Variants in PKNOX2 observed in about 807,000 individuals in gnomAD.
PKNOX2 encodes the protein PBX/knotted 1 homeobox 2.
In PKNOX2, 14 loss-of-function variants were observed where a neutral mutation model predicts 53.1. The observed-to-expected ratio is 0.26, with a 90% CI of 0.17 to 0.41. The LOEUF (loss-of-function observed/expected upper bound fraction) is 0.41. PKNOX2 is among the 10% of genes least tolerant of loss of function. The pLI is 1.00. For synonymous variants in PKNOX2, 257 were observed against 242.8 expected, an observed-to-expected ratio of 1.06 and a Z score of -0.54; for missense variants, 496 against 602.8, an observed-to-expected ratio of 0.82 and a Z score of 1.85.
At chr11:125,397,049 T>C (rs1217178680) in intron 6 of PKNOX2, among the ~76,000 whole-genome samples, 2 of 152,204 alleles carry the variant, frequency 1.3e-5, no homozygotes, top group East Asian at 3.8e-4. Context: ...ATACCTTCCA[T>C]AGTATTTTCT....
At chr11:125,244,064 G>GGT (rs2135623147) in intron 2 of PKNOX2, among the ~76,000 whole-genome samples, 1 of 152,348 alleles carries the variant, frequency 6.6e-6, no homozygotes, top group African/African-American at 2.4e-5. Context: ...GTTGGAGCTT[G>GGT]GTAACTGCAC....
At chr11:125,282,950 G>A (rs905868149) in intron 2 of PKNOX2, among the ~76,000 whole-genome samples, 2 of 152,138 alleles carry the variant, frequency 1.3e-5, no homozygotes, top group Admixed American at 6.5e-5. Flanking sequence ...TCAGGAGTTC[G>A]AGACCAGCCA....
At chr11:125,295,777 T>A (rs1947619056) in intron 2 of PKNOX2, among the ~76,000 whole-genome samples, 1 of 152,186 alleles carries the variant, frequency 6.6e-6, no homozygotes, top group Non-Finnish European at 1.5e-5. Context: ...TGACCACCCA[T>A]AGCCTTTCTC....
At chr11:125,251,785 A>T (rs11219992) in intron 2 of PKNOX2, among the ~76,000 whole-genome samples, 1 of 146,218 alleles carries the variant, frequency 6.8e-6, no homozygotes, top group Non-Finnish European at 1.5e-5. Flanking sequence ...ATATTATATA[A>T]ATATATATAT....
chr11:125,299,098 G>A (rs1327995638), intron 2 of PKNOX2, among the ~76,000 whole-genome samples: 1 of 152,168 alleles, frequency 6.6e-6, no homozygotes, highest in Non-Finnish European at 1.5e-5. Context: ...CAAAGGGGGA[G>A]CAGGCATGTC....
intron 1 of PKNOX2, among the ~76,000 whole-genome samples, chr11:125,205,448 A>G (rs1938978612): frequency 6.6e-6 from 1 of 152,188 alleles, no homozygotes; most frequent in African/African-American, 2.4e-5. Context: ...GGGCAAAGAT[A>G]CTTTTGGCAT....
chr11:125,429,637 C>T (rs559875703), intron 11 of PKNOX2, among the ~76,000 whole-genome samples: 7 of 152,294 alleles, frequency 4.6e-5, no homozygotes, highest in East Asian at 1.9e-4. Context: ...GGCCCTGATC[C>T]GAGCCCTTGG....
intron 3 of PKNOX2, among the ~76,000 whole-genome samples, chr11:125,347,202 G>A (rs767122221): frequency 1.8e-4 from 27 of 152,090 alleles, no homozygotes; most frequent in African/African-American, 5.3e-4. Flanking sequence ...GGGGCCAAGC[G>A]AGCTGGCCCT....
chr11:125,318,322 T>C (rs1949328321), intron 2 of PKNOX2, among the ~76,000 whole-genome samples: 1 of 150,542 alleles, frequency 6.6e-6, no homozygotes. Context: ...GGTTTTACCA[T>C]GTTGCCCAGG....
intron 11 of PKNOX2, 76 bp downstream of exon 11, chr11:125,429,164 A>C: frequency 7.2e-7 from 1 of 1,389,864 alleles, no homozygotes; most frequent in Non-Finnish European, 1.0e-6. Flanking sequence ...GTAGCAGGGA[A>C]AAGAGACTCG....
intron 1 of PKNOX2, among the ~76,000 whole-genome samples, chr11:125,178,597 G>A (rs1483968548): frequency 0.045 from 1,306 of 28,954 alleles, 23 homozygotes; most frequent in Non-Finnish European, 0.057. Context: ...AAGGAAGGAA[G>A]GAAGGAAGGA....
At chr11:125,169,025 A>T (rs1406130548) in intron 1 of PKNOX2, among the ~76,000 whole-genome samples, 1 of 152,180 alleles carries the variant, frequency 6.6e-6, no homozygotes, top group Admixed American at 6.6e-5. Flanking sequence ...AGGGTGAGAA[A>T]GGCTGTTATG....
In PKNOX2 at chr11:125,240,387, G is replaced by A. The variant is rs2135595316; in HGVS notation, c.-130+5272G>A. The A allele has an allele frequency of 6.6e-6, 1 of 152,386 alleles. No homozygotes were observed. Among genetic ancestry groups the A allele is most frequent in the South Asian group, 2.1e-4 (1 of 4,826 alleles). 9.4% of individuals were successfully genotyped at this position (152,386 alleles called of 1,614,324 possible). ...CTAATTAAATCTCCTTTCAGTTGGTGTGACTATGCCTGCAGGAGAGGTGGC... is the reference window on the plus strand; with the variant it reads ...CTAATTAAATCTCCTTTCAGTTGGTATGACTATGCCTGCAGGAGAGGTGGC... On this transcript the variant is annotated intron_variant, in intron 2 of 12. Coordinates refer to ENST00000298282, the MANE Select transcript of PKNOX2 (RefSeq NM_001382323.2). This position sits in a 1 kb window ranked among gnomAD's most constrained non-coding sequence, Gnocchi z 4.3.
At chr11:125,187,854 G>A (rs1375844174) in intron 1 of PKNOX2, among the ~76,000 whole-genome samples, 1 of 152,122 alleles carries the variant, frequency 6.6e-6, no homozygotes, top group African/African-American at 2.4e-5. Context: ...TGGGAATGGG[G>A]GCACCCATCT....
intron 1 of PKNOX2, among the ~76,000 whole-genome samples, chr11:125,230,587 C>A (rs534596368): frequency 6.6e-6 from 1 of 152,178 alleles, no homozygotes. Context: ...ACAGGAGCAT[C>A]CAGAGAGACT....
At chr11:125,170,059 G>C (rs1169893831) in intron 1 of PKNOX2, among the ~76,000 whole-genome samples, 1 of 152,118 alleles carries the variant, frequency 6.6e-6, no homozygotes, top group Non-Finnish European at 1.5e-5. Context: ...GCCCTGACTG[G>C]TGTGTGTGTG....
In PKNOX2 at chr11:125,404,596, C is replaced by T. The variant is rs78170208; in HGVS notation, c.589-5600C>T. On this transcript the variant is annotated intron_variant, in intron 7 of 12. Transcript: ENST00000298282. ...TCTCCACCCTCCTAAGGCACATTTG[C>T]GCGGGCACACACACAAACACACACA... Among the ~76,000 whole-genome samples, 1,143 of 152,030 alleles carry T rather than the reference C, an allele frequency of 7.5e-3. 23 individuals are homozygous for T. The highest frequency in any genetic ancestry group is 0.07 in the East Asian group (360 of 5,150).
At chr11:125,341,409 C>T (rs1341215460) in intron 3 of PKNOX2, among the ~76,000 whole-genome samples, 1 of 151,654 alleles carries the variant, frequency 6.6e-6, no homozygotes, top group Non-Finnish European at 1.5e-5. Flanking sequence ...AGAAATTAAA[C>T]TATAACCATG....
chr11:125,424,560 A>G (rs537358835), intron 10 of PKNOX2, among the ~76,000 whole-genome samples: 2 of 152,270 alleles, frequency 1.3e-5, no homozygotes, highest in South Asian at 4.1e-4. Context: ...GAGGAGGGGA[A>G]AAGCGTGTAG....
Sources: allele counts gnomAD v4.1 joint callset (sites outside exome capture counted in the v4.1 genomes callset), GRCh38; gene constraint gnomAD v4.1.1; non-coding constraint Gnocchi (gnomAD v3.1); transcripts MANE v1.5; gene names NCBI Gene and HGNC (gene_info 2026-07-23, HGNC 2026-07-21).